ZBTB20: variants seen among roughly 807,000 people sequenced by gnomAD.
ZBTB20 encodes zinc finger and BTB domain containing 20, also known as zinc finger and BTB domain-containing protein 20.
Under a neutral mutation model 56.9 loss-of-function variants are expected in ZBTB20, and 9 were observed. The ratio of observed to expected loss-of-function variants is 0.16; its 90% confidence interval spans 0.10 to 0.28. The LOEUF is 0.28. ZBTB20 is among the 10% of genes least tolerant of loss of function. The pLI is 1.00. For missense variants in ZBTB20, 655 were observed against 1,003.0 expected (o/e 0.65, Z 4.69); for synonymous variants, 417 against 420.7 (o/e 0.99, Z 0.11).
At chr3:114,877,605 C>T (rs954932050) in intron 4 of ZBTB20, among the ~76,000 whole-genome samples, 1 of 152,054 alleles carries the variant, frequency 6.6e-6, no homozygotes, top group African/African-American at 2.4e-5. Context: ...GAAGCCAATC[C>T]CTTAGTTTTA....
At chr3:114,836,448 T>C (rs7620373) in intron 4 of ZBTB20, among the ~76,000 whole-genome samples, 33,101 of 152,138 alleles carry the variant, frequency 0.22, 3,843 homozygotes, top group African/African-American at 0.27. Flanking sequence ...AGAATAGCAA[T>C]AATGAGCACT....
rs181267193 is a variant in ZBTB20, at chr3:114,315,466, A to C, written c.*23539T>G. 1 of 152,208 alleles carries C rather than the reference A, an allele frequency of 6.6e-6. No individual in the cohort carries two copies. Among genetic ancestry groups the C allele is most frequent in the Non-Finnish European group, 1.5e-5 (1 of 67,992 alleles). 9.4% of individuals were successfully genotyped at this position (152,208 alleles called of 1,614,324 possible). On this transcript the variant is annotated 3_prime_UTR_variant, in exon 12 of 12. Transcript: ENST00000675478. ...GACACTGGAAACACCACTTGAATGA[A>C]TGAATGAATGGATATGTATGTGTGT...
At chr3:114,955,034 T>C (rs1282889714) in intron 3 of ZBTB20, among the ~76,000 whole-genome samples, 1 of 152,186 alleles carries the variant, frequency 6.6e-6, no homozygotes, top group East Asian at 1.9e-4. Flanking sequence ...TGTCATCCCA[T>C]GCAACTACCC....
chr3:114,782,276 A>T (rs2070161334), intron 5 of ZBTB20, among the ~76,000 whole-genome samples: 2 of 152,178 alleles, frequency 1.3e-5, no homozygotes, highest in South Asian at 2.1e-4. Context: ...ACTTTTGCTC[A>T]GTAGTTGCTC....
At chr3:114,865,295 G>GTA (rs946792683) in intron 4 of ZBTB20, among the ~76,000 whole-genome samples, 4 of 152,100 alleles carry the variant, frequency 2.6e-5, no homozygotes, top group Admixed American at 2.6e-4. Flanking sequence ...AAATACATAT[G>GTA]TAGGAAACAT....
intron 10 of ZBTB20, among the ~76,000 whole-genome samples, chr3:114,361,193 T>A (rs1021575611): frequency 1.3e-5 from 2 of 152,220 alleles, no homozygotes; most frequent in Non-Finnish European, 2.9e-5. Flanking sequence ...AAATAAAATC[T>A]CTGTGCTAAT....
chr3:114,616,000 C>T (rs1008708192), intron 6 of ZBTB20, among the ~76,000 whole-genome samples: 1 of 152,200 alleles, frequency 6.6e-6, no homozygotes, highest in Admixed American at 6.5e-5. Flanking sequence ...TATGGAGTTT[C>T]ACTAAAGCAG....
In ZBTB20 at chr3:114,351,179, C is replaced by T; in HGVS notation, c.899G>A (p.Arg300His). 6.2e-7 allele frequency: 1 copy of T among 1,602,364 alleles called. No individual in the cohort carries two copies. The highest frequency in any genetic ancestry group is 8.5e-7 in the Non-Finnish European group (1 of 1,179,748). Reference sequence around the variant, plus strand: ...GGTCTCGGGGGTGGTGGACAGGTAGCGCTCCATCTGCTGCGAGCGCTCATG... The same window carrying T: ...GGTCTCGGGGGTGGTGGACAGGTAGTGCTCCATCTGCTGCGAGCGCTCATG... ...RIHERSQQME[R>H]YLSTTPETTH... Residue 300 changes from arginine to histidine, a missense_variant, in exon 11 of 12, where the codon CGC becomes CAC. By Grantham distance (29) the Arg-to-His change is conservative. Around this residue, in one of 10 missense-constraint regions of ZBTB20, gnomAD observed 167 missense variants for 281.9 expected, o/e 0.59. Transcript: ENST00000675478.
intron 7 of ZBTB20, among the ~76,000 whole-genome samples, chr3:114,438,172 A>G (rs562992144): frequency 1.5e-4 from 23 of 152,142 alleles, no homozygotes; most frequent in Non-Finnish European, 2.9e-4. Context: ...TAGCAGTGGC[A>G]TTGGTGGGGG....
intron 6 of ZBTB20, among the ~76,000 whole-genome samples, chr3:114,563,034 G>GA (rs1305379920): frequency 1.3e-5 from 2 of 152,040 alleles, no homozygotes; most frequent in African/African-American, 2.4e-5. Context: ...CATGCTGTTG[G>GA]AAAAAATGGT....
At chr3:114,928,065 A>G (rs1427473864) in intron 3 of ZBTB20, among the ~76,000 whole-genome samples, 2 of 152,230 alleles carry the variant, frequency 1.3e-5, no homozygotes, top group African/African-American at 4.8e-5. Context: ...TCACCTATCT[A>G]GGCTTCAGTT....
intron 7 of ZBTB20, among the ~76,000 whole-genome samples, chr3:114,401,043 T>C (rs2086774147): frequency 1.4e-5 from 2 of 147,584 alleles, no homozygotes; most frequent in South Asian, 2.1e-4. Context: ...CGTCTAATAA[T>C]AGCAAGCCAT....
intron 4 of ZBTB20, among the ~76,000 whole-genome samples, chr3:114,823,584 T>G (rs2073367006): frequency 6.6e-6 from 1 of 152,038 alleles, no homozygotes; most frequent in African/African-American, 2.4e-5. Flanking sequence ...AAACTTATGC[T>G]AAAGCACACT....
intron 7 of ZBTB20, among the ~76,000 whole-genome samples, chr3:114,396,004 A>ACACACACC (rs1273273716): frequency 2.0e-5 from 3 of 152,114 alleles, no homozygotes; most frequent in South Asian, 4.2e-4. Context: ...ACATGTAAAC[A>ACACACACC]CACACACCCA....
chr3:114,704,057 C>T (rs957087631), intron 5 of ZBTB20, among the ~76,000 whole-genome samples: 2 of 152,160 alleles, frequency 1.3e-5, no homozygotes, highest in African/African-American at 4.8e-5. Context: ...CACCTAAAAA[C>T]TTTCCTAAAT....
chr3:114,902,511 A>G (rs1299401041), intron 3 of ZBTB20, among the ~76,000 whole-genome samples: 1 of 152,178 alleles, frequency 6.6e-6, no homozygotes, highest in Non-Finnish European at 1.5e-5. Flanking sequence ...GAAAACATAC[A>G]CTAGGTTTAT....
At chr3:114,638,069 A>G (rs758535035) in intron 6 of ZBTB20, among the ~76,000 whole-genome samples, 12 of 152,088 alleles carry the variant, frequency 7.9e-5, no homozygotes, top group Admixed American at 2.6e-4. Flanking sequence ...TTTGAAATTT[A>G]TAAGCCAATT....
At chr3:114,858,530 G>A (rs1227726928) in intron 4 of ZBTB20, among the ~76,000 whole-genome samples, 1 of 144,524 alleles carries the variant, frequency 6.9e-6, no homozygotes, top group Non-Finnish European at 1.5e-5. Flanking sequence ...GTATTCGTGT[G>A]TGTGTGTGTG....
At chr3:115,036,484 G>A (rs998045608) in intron 2 of ZBTB20, among the ~76,000 whole-genome samples, 1 of 151,958 alleles carries the variant, frequency 6.6e-6, no homozygotes, top group South Asian at 2.1e-4. Context: ...GTGCGATCTC[G>A]GCTCACTGCA....
Sources: gnomAD v4.1 joint callset for allele counts (sites outside exome capture counted in the v4.1 genomes callset) on GRCh38, gnomAD v4.1.1 for gene constraint, gnomAD v4.1.1 regional missense constraint, MANE v1.5 for transcripts, NCBI Gene and HGNC (gene_info 2026-07-23, HGNC 2026-07-21) for gene names.